The following UBE2D1 variants were observed in gnomAD, a reference collection of about 807,000 sequenced individuals.
UBE2D1 encodes the protein ubiquitin conjugating enzyme E2 D1, also known as ubiquitin-conjugating enzyme E2 D1.
In UBE2D1, 9 loss-of-function variants were observed where a neutral mutation model predicts 24.6. The observed-to-expected ratio is 0.37, with a 90% CI of 0.22 to 0.64. The LOEUF is 0.64. UBE2D1 is among the 30% of genes least tolerant of loss of function. UBE2D1 has a pLI of 0.64. For synonymous variants in UBE2D1, 57 were observed against 57.6 expected (o/e 0.99, Z 0.04); for missense variants, 87 against 177.1 (o/e 0.49, Z 2.89).
At chr10:58,340,091 G>A (rs911005012) in intron 1 of UBE2D1, among the ~76,000 whole-genome samples, 1 of 152,250 alleles carries the variant, frequency 6.6e-6, no homozygotes, top group Admixed American at 6.5e-5. Flanking sequence ...TATTGCTGAC[G>A]AAAATTTAGT....
rs1460665801 is a variant in UBE2D1 at position 58,336,397 on chromosome 10, C to G, written c.24+1172C>G. On this transcript the variant is annotated intron_variant, in intron 1 of 6. Coordinates refer to ENST00000373910, the MANE Select transcript of UBE2D1 (RefSeq NM_003338.5). ...ATTATAGCAATAGTATATGTTAGAG[C>G]AGTGATAGTGACGTACGCATTGCAT... Among the ~76,000 whole-genome samples the G allele has an allele frequency of 3.3e-5, 5 of 152,286 alleles. No homozygotes were observed. In the East Asian group the frequency reaches 9.7e-4, roughly 29 times the overall value.
chr10:58,352,230 T>TG lies in UBE2D1; in HGVS notation c.25-9106dup, dbSNP rs1266255861. Among the ~76,000 whole-genome samples, 21 of 152,244 alleles carry TG rather than the reference T, an allele frequency of 1.4e-4. 1 individual carries two copies. In the South Asian group the frequency reaches 2.3e-3, roughly 17 times the overall value. On this transcript the variant is annotated intron_variant, in intron 1 of 6. Coordinates refer to ENST00000373910, the MANE Select transcript of UBE2D1 (RefSeq NM_003338.5). ...ATCACTTTTGCTTCCACATCAAAAG[T>TG]GGAAGCACTTTTGTTTGCCTGAGAC...
chr10:58,361,774 G>A (rs541774311), intron 3 of UBE2D1, among the ~76,000 whole-genome samples: 10 of 151,284 alleles, frequency 6.6e-5, no homozygotes, highest in South Asian at 6.3e-4. Flanking sequence ...GCCACAGCTC[G>A]CAACCAGGCT....
intron 5 of UBE2D1, 104 bp from the exon 6 acceptor site, chr10:58,367,819 T>C (rs1210057776): frequency 3.5e-6 from 2 of 569,490 alleles, no homozygotes; most frequent in African/African-American, 3.8e-5. Flanking sequence ...TTTATGTTTT[T>C]TTTATAAGTA....
At chr10:58,368,521 G>A in intron 6 of UBE2D1, 199 bp from the exon 7 acceptor site, 2 of 365,296 alleles carry the variant, frequency 5.5e-6, no homozygotes, top group Non-Finnish European at 9.9e-6. Flanking sequence ...CATATAGGTT[G>A]CAGAGAAATC....
At chr10:58,368,086 T>A in intron 6 of UBE2D1, 70 bp downstream of exon 6, 1 of 1,085,912 alleles carries the variant, frequency 9.2e-7, no homozygotes. Flanking sequence ...ACGAATATTA[T>A]CAATATGTTT....
At chr10:58,361,094 A>T (rs1840192162) in intron 1 of UBE2D1, among the ~76,000 whole-genome samples, 1 of 152,146 alleles carries the variant, frequency 6.6e-6, no homozygotes, top group South Asian at 2.1e-4. Flanking sequence ...TCTCTTAGGG[A>T]TGTTAAAGAA....
At chr10:58,358,149 A>T (rs1328775284) in intron 1 of UBE2D1, among the ~76,000 whole-genome samples, 1 of 152,194 alleles carries the variant, frequency 6.6e-6, no homozygotes, top group Non-Finnish European at 1.5e-5. Context: ...TCTTGTTAAT[A>T]AAGAAAATCA....
At chr10:58,351,277 A>AT (rs1482720142) in intron 1 of UBE2D1, among the ~76,000 whole-genome samples, 2 of 152,156 alleles carry the variant, frequency 1.3e-5, no homozygotes, top group African/African-American at 2.4e-5. Flanking sequence ...TATAAACTTT[A>AT]TTTTTTTAAC....
chr10:58,336,404 A>G (rs1223141767), intron 1 of UBE2D1, among the ~76,000 whole-genome samples: 2 of 152,234 alleles, frequency 1.3e-5, no homozygotes, highest in African/African-American at 4.8e-5. Flanking sequence ...GAGCAGTGAT[A>G]GTGACGTACG....
intron 1 of UBE2D1, among the ~76,000 whole-genome samples, chr10:58,349,696 T>C (rs1227551908): frequency 1.3e-5 from 2 of 152,176 alleles, no homozygotes; most frequent in Non-Finnish European, 2.9e-5. Context: ...TATACAGACA[T>C]AAGTATACAG....
chr10:58,339,176 G>C (rs923795079), intron 1 of UBE2D1, among the ~76,000 whole-genome samples: 9 of 152,112 alleles, frequency 5.9e-5, no homozygotes, highest in African/African-American at 2.2e-4. Flanking sequence ...CACAATCTCG[G>C]TTTTCTGTGA....
chr10:58,338,990 T>G (rs1839933291), intron 1 of UBE2D1, among the ~76,000 whole-genome samples: 1 of 152,234 alleles, frequency 6.6e-6, no homozygotes, highest in African/African-American at 2.4e-5. Flanking sequence ...ATGTTTGAGC[T>G]GCTGAATTTT....
chr10:58,353,106 C>G (rs1840095174), intron 1 of UBE2D1, among the ~76,000 whole-genome samples: 1 of 152,156 alleles, frequency 6.6e-6, no homozygotes, highest in Admixed American at 6.5e-5. Flanking sequence ...GTAAGTTCTC[C>G]TTTAATTTCA....
intron 1 of UBE2D1, among the ~76,000 whole-genome samples, chr10:58,341,506 G>C (rs1039839803): frequency 5.9e-5 from 9 of 151,876 alleles, no homozygotes; most frequent in African/African-American, 2.2e-4. Context: ...CGCAATAGAG[G>C]TATAAAAAAA....
At chr10:58,348,940 G>T (rs1840044148) in intron 1 of UBE2D1, among the ~76,000 whole-genome samples, 1 of 152,198 alleles carries the variant, frequency 6.6e-6, no homozygotes, top group African/African-American at 2.4e-5. Flanking sequence ...GGCAGGGATT[G>T]TGTCTAGGTT....
Position 58,361,519 on chromosome 10 carries a change from T to C in UBE2D1, c.113T>C (p.Met38Thr). 6.2e-7 allele frequency: 1 copy of C among 1,614,162 alleles called. No individual in the cohort carries two copies. The highest frequency in any genetic ancestry group is 8.5e-7 in the Non-Finnish European group (1 of 1,180,018). Residue 38 changes from methionine to threonine, a missense_variant, in exon 3 of 7, where the codon ATG becomes ACG. Transcript: ENST00000373910. ...GTGTTCCACTGGCAAGCCACTATTATGGGGCCTGTAAGTATGATTCATATC... is the reference window on the plus strand; with the variant it reads ...GTGTTCCACTGGCAAGCCACTATTACGGGGCCTGTAAGTATGATTCATATC... Reference protein sequence around the residue: ...DDLFHWQATIMGPPDSAYQGG... With the variant: ...DDLFHWQATITGPPDSAYQGG...
chr10:58,341,676 G>A (rs1229459779), intron 1 of UBE2D1, among the ~76,000 whole-genome samples: 2 of 152,172 alleles, frequency 1.3e-5, no homozygotes, highest in Admixed American at 6.5e-5. Flanking sequence ...AAGCAAAATA[G>A]CGTCCTTACT....
chr10:58,350,105 A>T (rs989356615), intron 1 of UBE2D1, among the ~76,000 whole-genome samples: 1 of 152,178 alleles, frequency 6.6e-6, no homozygotes, highest in Non-Finnish European at 1.5e-5. Context: ...TGGGGCTATT[A>T]CAAATAATGG....
Sources: gnomAD v4.1 joint callset for allele counts (sites outside exome capture counted in the v4.1 genomes callset) on GRCh38, gnomAD v4.1.1 for gene constraint, MANE v1.5 for transcripts, NCBI Gene and HGNC (gene_info 2026-07-23, HGNC 2026-07-21) for gene names.